GALNT15: variants seen among roughly 807,000 people sequenced by gnomAD.
The protein encoded by GALNT15 is polypeptide N-acetylgalactosaminyltransferase 15.
GALNT15 carries 67 observed loss-of-function variants against 66.8 expected under a neutral mutation model. That is an observed-to-expected ratio of 1.00 (90% confidence interval 0.82 to 1.23). The LOEUF is 1.23. Among genes scored for constraint, GALNT15 ranks in the 50% most tolerant of loss-of-function variants. The probability of loss-of-function intolerance (pLI) is 0.00; values close to 1 mark genes in which losing one functional copy is unlikely to be tolerated. For synonymous variants in GALNT15, 313 were observed against 311.5 expected (o/e 1.00, Z -0.05); for missense variants, 827 against 804.3 (o/e 1.03, Z -0.34).
downstream of GALNT15, among the ~76,000 whole-genome samples, chr3:16,233,072 T>C (rs769362233): frequency 7.4e-5 from 11 of 149,486 alleles, no homozygotes; most frequent in Admixed American, 4.0e-4. Context: ...GATTTGATCC[T>C]ATGTCTTACA....
chr3:16,216,248 A>C (rs1243579370), intron 6 of GALNT15, among the ~76,000 whole-genome samples: 1 of 152,176 alleles, frequency 6.6e-6, no homozygotes, highest in East Asian at 1.9e-4. Flanking sequence ...GACCAAAGCA[A>C]GTTTTAAAGC....
chr3:16,228,419 T>A lies in GALNT15; in HGVS notation c.*919T>A. 1 of 824,598 alleles carries A rather than the reference T, an allele frequency of 1.2e-6. No individual in the cohort carries two copies. Among genetic ancestry groups the A allele is most frequent in the Non-Finnish European group, 1.5e-6 (1 of 683,102 alleles). 51.1% of individuals were successfully genotyped at this position (824,598 alleles called of 1,614,324 possible). On this transcript the variant is annotated 3_prime_UTR_variant, in exon 10 of 10. Coordinates refer to ENST00000339732, the MANE Select transcript of GALNT15 (RefSeq NM_054110.5). The stretch of plus-strand genomic sequence containing the variant: ...ACTTTGGGAGGCAGAGTTGGGAGGA[T>A]CACCTGATGTCAGGGGTTTGAGACC...
At chr3:16,201,306 C>T (rs949285688) in intron 3 of GALNT15, among the ~76,000 whole-genome samples, 15 of 152,084 alleles carry the variant, frequency 9.9e-5, no homozygotes, top group African/African-American at 2.7e-4. Flanking sequence ...TTCAGCCTCC[C>T]GAGTAGCTGG....
At chr3:16,177,220 CAT>C (rs1438274533) in intron 1 of GALNT15, among the ~76,000 whole-genome samples, 2 of 152,170 alleles carry the variant, frequency 1.3e-5, no homozygotes, top group South Asian at 2.1e-4. Flanking sequence ...AATGAACAAA[CAT>C]AGTTTTCAAA....
intron 1 of GALNT15, among the ~76,000 whole-genome samples, chr3:16,178,849 C>A (rs1282293885): frequency 6.6e-6 from 1 of 152,218 alleles, no homozygotes; most frequent in African/African-American, 2.4e-5. Context: ...GTGCCTCGGG[C>A]TGTAGCGCAC....
chr3:16,181,584 C>T lies in GALNT15; in HGVS notation c.539+5894C>T, dbSNP rs963381022. Among the ~76,000 whole-genome samples, 3 of 152,090 alleles carry T rather than the reference C, an allele frequency of 2.0e-5. No homozygotes were observed. The highest frequency in any genetic ancestry group is 2.9e-5 in the Non-Finnish European group (2 of 68,030). ...CTGTGAAGACTCTGTCCTGCCAGGC[C>T]GTGATTCACCCCAAGATGACTCCCC... On this transcript the variant is annotated intron_variant, in intron 1 of 9. Coordinates refer to ENST00000339732, the MANE Select transcript of GALNT15 (RefSeq NM_054110.5). The surrounding 1 kb of genome is among the most constrained non-coding windows in gnomAD (Gnocchi z 5.9).
In GALNT15 at chr3:16,204,393, A is replaced by G. The variant is rs2063735706; in HGVS notation, c.911+3570A>G. Among the ~76,000 whole-genome samples, 1 of 152,158 alleles carries G rather than the reference A, an allele frequency of 6.6e-6. No individual in the cohort carries two copies. Among genetic ancestry groups the G allele is most frequent in the African/African-American group, 2.4e-5 (1 of 41,428 alleles). ...ATTTACAGTAATGATAATATTAGAG[A>G]TGTTCTCTTGGGTTGCACAGTGCGC... On this transcript the variant is annotated intron_variant, in intron 3 of 9. Transcript: ENST00000339732. This position sits in a 1 kb window ranked among gnomAD's most constrained non-coding sequence, Gnocchi z 4.5.
chr3:16,174,925 C>T lies in GALNT15; in HGVS notation c.-227C>T. ...CTTTCAGAAGGCAATTAAAGAAATC[C>T]ACTCAGAGAGGACTTGGGGTGAAAC... On this transcript the variant is annotated 5_prime_UTR_variant, in exon 1 of 10. Transcript: ENST00000339732. This position sits in a 1 kb window ranked among gnomAD's most constrained non-coding sequence, Gnocchi z 4.7. 1.9e-6 allele frequency: 1 copy of T among 521,758 alleles called. No individual in the cohort carries two copies. The highest frequency in any genetic ancestry group is 3.4e-6 in the Non-Finnish European group (1 of 294,406). 32.3% of individuals were successfully genotyped at this position (521,758 alleles called of 1,614,324 possible).
In GALNT15 at chr3:16,211,503, G is replaced by A. The variant is rs7609664; in HGVS notation, c.1197+262G>A. ...CTCTCAGTTATTTTAACTGCTGTGC[G>A]GAGATTCCAGAGGCTCTCATACATT... On this transcript the variant is annotated intron_variant, in intron 5 of 9. Transcript: ENST00000339732. This position sits in a 1 kb window ranked among gnomAD's most constrained non-coding sequence, Gnocchi z 4.3. 0.18 allele frequency among the ~76,000 whole-genome samples: 27,627 copies of A among 152,130 alleles called. 3,145 individuals are homozygous for A. Among genetic ancestry groups the A allele is most frequent in the African/African-American group, 0.31 (12,871 of 41,468 alleles).
Position 16,219,253 on chromosome 3 carries a change from C to T in GALNT15, c.1393-150C>T, listed in dbSNP as rs1559692224. ...AGACCTTCTTCTCCCAACACATGAC[C>T]CTCCCCACTGCAGCCCTGGAGAACT... On this transcript the variant is annotated intron_variant, in intron 6 of 9. Coordinates refer to ENST00000339732, the MANE Select transcript of GALNT15 (RefSeq NM_054110.5). The surrounding 1 kb of genome is among the most constrained non-coding windows in gnomAD (Gnocchi z 4.3). 1 of 882,272 alleles carries T rather than the reference C, an allele frequency of 1.1e-6. No individual in the cohort carries two copies. Among genetic ancestry groups the T allele is most frequent in the Non-Finnish European group, 1.8e-6 (1 of 566,580 alleles). The allele number at this position is 882,272 out of a possible 1,614,324, so 54.7% of individuals were successfully genotyped here.
rs752098154 is a variant in GALNT15, at chr3:16,222,775, G to A, written c.1773+17G>A. 8 of 1,613,136 alleles carry A rather than the reference G, an allele frequency of 5.0e-6. No homozygotes were observed. In the South Asian group the frequency reaches 8.8e-5, roughly 18 times the overall value. ...TTCCAGGAGGTGAGTAATCTGTTCA[G>A]GAAGAGCCTGGTAGTGCTGCTGGTC... On this transcript the variant is annotated intron_variant, in intron 9 of 9. Coordinates refer to ENST00000339732, the MANE Select transcript of GALNT15 (RefSeq NM_054110.5).
chr3:16,212,746 G>T lies in GALNT15; in HGVS notation c.1375G>T (p.Ala459Ser), dbSNP rs370292287. 13 of 1,613,364 alleles carry T rather than the reference G, an allele frequency of 8.1e-6. No individual in the cohort carries two copies. The highest frequency in any genetic ancestry group is 1.1e-5 in the Non-Finnish European group (13 of 1,179,994). Residue 459 changes from alanine to serine, a missense_variant, in exon 6 of 10, where the codon GCC becomes TCC. By Grantham distance (99) the Ala-to-Ser change is moderately conservative. Coordinates refer to ENST00000339732, the MANE Select transcript of GALNT15 (RefSeq NM_054110.5). ...KETFYKHSPEAFSLSKAEKPD... is the reference protein window; with the variant it reads ...KETFYKHSPESFSLSKAEKPD... The stretch of plus-strand genomic sequence containing the variant: ...AACCTTCTACAAGCATAGCCCAGAG[G>T]CCTTCTCCTTGAGCAAGGTAAGGAG...
chr3:16,210,762 G>A (rs1236749732), intron 4 of GALNT15, among the ~76,000 whole-genome samples: 1 of 152,158 alleles, frequency 6.6e-6, no homozygotes, highest in African/African-American at 2.4e-5. Context: ...TGTCAGGCCT[G>A]GTGCTACCTC....
Position 16,187,514 on chromosome 3 carries a change from G to A in GALNT15, c.540-8246G>A, listed in dbSNP as rs2124848040. On this transcript the variant is annotated intron_variant, in intron 1 of 9. Coordinates refer to ENST00000339732, the MANE Select transcript of GALNT15 (RefSeq NM_054110.5). This position sits in a 1 kb window ranked among gnomAD's most constrained non-coding sequence, Gnocchi z 5.1. Reference sequence around the variant, plus strand: ...CTGTAATCCTCTATTAGGCTACGTTGGTTTCATTACATGGCATCTCATGAC... The same window carrying A: ...CTGTAATCCTCTATTAGGCTACGTTAGTTTCATTACATGGCATCTCATGAC... Among the ~76,000 whole-genome samples the A allele has an allele frequency of 6.6e-6, 1 of 152,214 alleles. No homozygotes were observed. The highest frequency in any genetic ancestry group is 2.1e-4 in the South Asian group (1 of 4,808).
At position 16,195,949 on chromosome 3, in the gene GALNT15, C is replaced by T; in HGVS notation, c.706+23C>T. ...AAGGTAGCCACGGCTTTCCTCCAGG[C>T]TCGTCTGGGTGAGCCTTACCCCCTG... On this transcript the variant is annotated intron_variant, in intron 2 of 9. Coordinates refer to ENST00000339732, the MANE Select transcript of GALNT15 (RefSeq NM_054110.5). This position sits in a 1 kb window ranked among gnomAD's most constrained non-coding sequence, Gnocchi z 4.6. The T allele has an allele frequency of 6.2e-7, 1 of 1,613,026 alleles. No individual in the cohort carries two copies. Among genetic ancestry groups the T allele is most frequent in the South Asian group, 1.1e-5 (1 of 90,890 alleles).
the GALNT15 span, among the ~76,000 whole-genome samples, chr3:16,247,251 C>T: frequency 6.6e-6 from 1 of 152,260 alleles, no homozygotes; most frequent in Non-Finnish European, 1.5e-5. Context: ...AAGAGAAAAG[C>T]AGCAATTTAG....
At chr3:16,236,037 G>A (rs1559699432), downstream of GALNT15, among the ~76,000 whole-genome samples, 3 of 141,568 alleles carry the variant, frequency 2.1e-5, no homozygotes, top group Admixed American at 1.5e-4. Flanking sequence ...CCAGGGAGGC[G>A]GAGGTTGGAG....
At chr3:16,217,831 A>G (rs953923910) in intron 6 of GALNT15, among the ~76,000 whole-genome samples, 4 of 152,240 alleles carry the variant, frequency 2.6e-5, no homozygotes, top group African/African-American at 4.8e-5. Flanking sequence ...ACTCTGGGAA[A>G]GGTCTACGGA....
the GALNT15 span, among the ~76,000 whole-genome samples, chr3:16,240,881 T>C: frequency 1.3e-5 from 2 of 152,228 alleles, no homozygotes; most frequent in Non-Finnish European, 2.9e-5. Flanking sequence ...CTCCACCCTC[T>C]GGACTCACCT....
Sources: allele counts gnomAD v4.1 joint callset (sites outside exome capture counted in the v4.1 genomes callset), GRCh38; gene constraint gnomAD v4.1.1; non-coding constraint Gnocchi (gnomAD v3.1); transcripts MANE v1.5; gene names NCBI Gene and HGNC (gene_info 2026-07-23, HGNC 2026-07-21).